Variants in SLC5A10 observed in about 807,000 individuals in gnomAD.
The protein encoded by SLC5A10 is solute carrier family 5 member 10.
SLC5A10 carries 55 observed loss-of-function variants against 68.9 expected under a neutral mutation model. The observed-to-expected ratio is 0.80, with a 90% CI of 0.64 to 1.00. The LOEUF (loss-of-function observed/expected upper bound fraction) is 1.00, where lower values mean the gene tolerates loss of function less well. Ranked by LOEUF, SLC5A10 falls within the 50% of genes least tolerant of loss-of-function variation. The pLI is 0.00. For synonymous variants in SLC5A10, 344 were observed against 344.8 expected, an observed-to-expected ratio of 1.00 and a Z score of 0.02; for missense variants, 732 against 819.3, an observed-to-expected ratio of 0.89 and a Z score of 1.30.
Position 18,969,102 on chromosome 17 carries a change from C to G in SLC5A10, c.504C>G (p.Asn168Lys). 1.2e-6 allele frequency: 2 copies of G among 1,614,154 alleles called. No individual in the cohort carries two copies. Among genetic ancestry groups the G allele is most frequent in the Middle Eastern group, 1.7e-4 (1 of 6,060 alleles). Reference protein sequence around the residue: ...ALFVHICLGWNFYLSTILTLG... With the variant: ...ALFVHICLGWKFYLSTILTLG... ...TTGTGCACATCTGCCTGGGCTGGAA[C>G]TTCTACCTCTCCACCATCCTCACGC... Residue 168 changes from asparagine (N) to lysine (K), a missense_variant, in exon 6 of 15, where the codon AAC becomes AAG. By Grantham distance (94) the Asn-to-Lys change is moderately conservative. Coordinates refer to ENST00000395645, the MANE Select transcript of SLC5A10 (RefSeq NM_001042450.4).
chr17:19,011,636 A>G (rs2044015751), intron 9 of SLC5A10, among the ~76,000 whole-genome samples: 1 of 151,932 alleles, frequency 6.6e-6, no homozygotes, highest in Admixed American at 6.5e-5. Flanking sequence ...GGTGGGCCCC[A>G]GACGGGAGGG....
chr17:18,972,331 G>A (rs2042875418), intron 8 of SLC5A10, among the ~76,000 whole-genome samples: 1 of 152,232 alleles, frequency 6.6e-6, no homozygotes, highest in African/African-American at 2.4e-5. Flanking sequence ...GGCAGCCACA[G>A]CCAGCCTCTG....
chr17:18,955,522 G>T (rs1597809670), intron 1 of SLC5A10, among the ~76,000 whole-genome samples: 1 of 152,212 alleles, frequency 6.6e-6, no homozygotes, highest in South Asian at 2.1e-4. Flanking sequence ...GCAGCCCCCA[G>T]AGCCCCAGAT....
At position 18,968,546 on chromosome 17, in the gene SLC5A10, T is replaced by A. The variant is rs985470216; in HGVS notation, c.454-506T>A. On this transcript the variant is annotated intron_variant, in intron 5 of 14. Transcript: ENST00000395645. The surrounding 1 kb of genome is among the most constrained non-coding windows in gnomAD (Gnocchi z 4.1). ...CTGAGACCCAGCCTCTGAGCCACTA[T>A]TGGCTTCAGTTCCAAACCCACTGGG... Among the ~76,000 whole-genome samples, 2 of 152,176 alleles carry A rather than the reference T, an allele frequency of 1.3e-5. No individual in the cohort carries two copies. The highest frequency in any genetic ancestry group is 4.8e-5 in the African/African-American group (2 of 41,426).
intron 4 of SLC5A10, among the ~76,000 whole-genome samples, 161 bp from the exon 5 acceptor site, chr17:18,960,387 C>T (rs1037824263): frequency 1.3e-5 from 2 of 152,214 alleles, no homozygotes; most frequent in South Asian, 2.1e-4. Flanking sequence ...GATTCCAGGC[C>T]GGGTGCTGGG....
In SLC5A10 at chr17:18,971,892, G is replaced by T; in HGVS notation, c.846+674G>T. The T allele has an allele frequency of 1.2e-6, 1 of 808,476 alleles. No homozygotes were observed. Among genetic ancestry groups the T allele is most frequent in the Non-Finnish European group, 1.9e-6 (1 of 530,714 alleles). The allele number at this position is 808,476 out of a possible 1,614,324, so 50.1% of individuals were successfully genotyped here. On this transcript the variant is annotated intron_variant, in intron 8 of 14. Transcript: ENST00000395645. This position sits in a 1 kb window ranked among gnomAD's most constrained non-coding sequence, Gnocchi z 5.5. ...TTCACCAGGGAGTGGGCCTAGACCA[G>T]TTGGTTTAGTCACTCGATGCCTCAG... is the stretch of plus-strand genomic sequence containing the variant.
Position 18,971,208 on chromosome 17 carries a change from G to A in SLC5A10, c.836G>A (p.Cys279Tyr), listed in dbSNP as rs562861942. Reference protein sequence around the residue: ...GLTIMATWYWCTDQVIVQRSL... With the variant: ...GLTIMATWYWYTDQVIVQRSL... ...ACCATCATGGCCACCTGGTACTGGT[G>A]CACCGACCAGGTGAGTGCCAACGTC... is the stretch of plus-strand genomic sequence containing the variant. Residue 279 changes from cysteine to tyrosine, a missense_variant, in exon 8 of 15, where the codon TGC becomes TAC. Physicochemically the swap from Cys to Tyr is radical, Grantham distance 194 (BLOSUM62 -2). Coordinates refer to ENST00000395645, the MANE Select transcript of SLC5A10 (RefSeq NM_001042450.4). The surrounding 1 kb of genome is among the most constrained non-coding windows in gnomAD (Gnocchi z 5.5). 1.9e-6 allele frequency: 3 copies of A among 1,613,918 alleles called. No individual in the cohort carries two copies. The highest frequency in any genetic ancestry group is 1.7e-5 in the Admixed American group (1 of 60,032).
intron 7 of SLC5A10, 28 bp from the exon 8 acceptor site, chr17:18,970,985 T>G (rs761352301): frequency 5.0e-6 from 8 of 1,609,948 alleles, no homozygotes; most frequent in Admixed American, 3.3e-5. Context: ...ACCACCAAAC[T>G]GTCCCTGTTC....
intron 8 of SLC5A10, among the ~76,000 whole-genome samples, chr17:18,972,492 C>T (rs552192769): frequency 1.3e-5 from 2 of 152,266 alleles, no homozygotes; most frequent in East Asian, 1.9e-4. Context: ...CCGTGGTTCC[C>T]GACTCTGCTC....
chr17:18,966,769 A>AAC (rs59190867), intron 5 of SLC5A10, among the ~76,000 whole-genome samples: 39 of 150,240 alleles, frequency 2.6e-4, no homozygotes, highest in Non-Finnish European at 4.9e-4. Flanking sequence ...AAAAAAAACA[A>AAC]CACTCTGCGG....
At chr17:18,983,160 C>T (rs903800988) in intron 9 of SLC5A10, among the ~76,000 whole-genome samples, 2 of 152,186 alleles carry the variant, frequency 1.3e-5, no homozygotes, top group African/African-American at 4.8e-5. Context: ...TGCCCACTGT[C>T]TCCCAGTAGC....
chr17:19,014,641 C>T (rs1245421467), intron 10 of SLC5A10, among the ~76,000 whole-genome samples: 4 of 152,224 alleles, frequency 2.6e-5, no homozygotes, highest in Non-Finnish European at 5.9e-5. Context: ...GCAATCTCTT[C>T]ACTTCTCTGA....
In SLC5A10 at chr17:18,964,823, G is replaced by A. The variant is rs923848182; in HGVS notation, c.453+4171G>A. On this transcript the variant is annotated intron_variant, in intron 5 of 14. Transcript: ENST00000395645. The stretch of plus-strand genomic sequence containing the variant: ...TGGGCAGGGCCTCTGCCGGGCGGGG[G>A]TGCACCTTATTCCTGGAATGGTAGA... Among the ~76,000 whole-genome samples the A allele has an allele frequency of 5.3e-5, 8 of 152,188 alleles. 1 individual carries two copies. The highest frequency in any genetic ancestry group is 1.2e-4 in the Non-Finnish European group (8 of 68,028).
chr17:18,971,878 GTGGGCCT>G lies in SLC5A10; in HGVS notation c.846+661_846+667del. On this transcript the variant is annotated intron_variant, in intron 8 of 14. Transcript: ENST00000395645. This position sits in a 1 kb window ranked among gnomAD's most constrained non-coding sequence, Gnocchi z 5.5. ...TCCTGGCTCTGCCATTCACCAGGGA[GTGGGCCT>G]AGACCAGTTGGTTTAGTCACTCGAT... 1.0e-6 allele frequency: 1 copy of G among 966,778 alleles called. No individual in the cohort carries two copies. Among genetic ancestry groups the G allele is most frequent in the Non-Finnish European group, 1.5e-6 (1 of 667,442 alleles). 59.9% of individuals were successfully genotyped at this position (966,778 alleles called of 1,614,324 possible).
At chr17:18,969,207 C>T (rs1426729430) in intron 6 of SLC5A10, 50 bp downstream of exon 6, 5 of 1,595,278 alleles carry the variant, frequency 3.1e-6, no homozygotes, top group Non-Finnish European at 3.4e-6. Flanking sequence ...GTAAAGGGGT[C>T]AGAAGGCCAC....
intron 9 of SLC5A10, among the ~76,000 whole-genome samples, chr17:18,993,016 G>C (rs1300261552): frequency 6.6e-6 from 1 of 152,218 alleles, no homozygotes; most frequent in Non-Finnish European, 1.5e-5. Flanking sequence ...CTCGCAGGAC[G>C]AGTAGGTAGA....
intron 8 of SLC5A10, among the ~76,000 whole-genome samples, chr17:18,973,698 G>A (rs1045953637): frequency 2.6e-5 from 4 of 151,916 alleles, no homozygotes; most frequent in African/African-American, 9.7e-5. Context: ...AGACCATAGG[G>A]GTGTTTTGCT....
chr17:18,985,054 C>G (rs2043235121), intron 9 of SLC5A10, among the ~76,000 whole-genome samples: 1 of 152,174 alleles, frequency 6.6e-6, no homozygotes, highest in Non-Finnish European at 1.5e-5. Flanking sequence ...GCTCCAAGCT[C>G]AGGAGGAAGG....
chr17:19,002,174 C>T (rs1330404516), intron 9 of SLC5A10, among the ~76,000 whole-genome samples: 1 of 152,214 alleles, frequency 6.6e-6, no homozygotes, highest in East Asian at 1.9e-4. Context: ...GATATTCCAT[C>T]TTCACAATAG....
Sources: gnomAD v4.1 joint callset for allele counts (sites outside exome capture counted in the v4.1 genomes callset) on GRCh38, gnomAD v4.1.1 for gene constraint, Gnocchi (gnomAD v3.1) non-coding constraint, MANE v1.5 for transcripts, NCBI Gene and HGNC (gene_info 2026-07-23, HGNC 2026-07-21) for gene names.